TMEM74: variants seen among roughly 807,000 people sequenced by gnomAD.
TMEM74 encodes the protein transmembrane protein 74.
In TMEM74, 13 loss-of-function variants were observed where a neutral mutation model predicts 18.1. The ratio of observed to expected loss-of-function variants is 0.72; its 90% CI spans 0.47 to 1.14. The LOEUF is 1.14. Ranked by LOEUF, TMEM74 falls within the 50% of genes most tolerant of loss-of-function variation. The probability of loss-of-function intolerance (pLI) is 0.00; values close to 1 mark genes in which losing one functional copy is unlikely to be tolerated. For synonymous variants in TMEM74, 159 were observed against 146.6 expected, an observed-to-expected ratio of 1.08 and a Z score of -0.61; for missense variants, 372 against 375.9, an observed-to-expected ratio of 0.99 and a Z score of 0.09.
chr8:108,643,233 A>G (rs367615839), intron 2 of TMEM74, among the ~76,000 whole-genome samples: 14 of 152,276 alleles, frequency 9.2e-5, no homozygotes, highest in African/African-American at 3.1e-4. Flanking sequence ...GCTGTACCCA[A>G]CTGAAGAACT....
intron 1 of TMEM74, among the ~76,000 whole-genome samples, chr8:108,691,114 G>A (rs962591001): frequency 3.3e-5 from 5 of 152,266 alleles, no homozygotes; most frequent in East Asian, 1.9e-4. Context: ...GAATCTAAAC[G>A]GTTTCTTTTG....
At chr8:108,756,186 T>A (rs1021289310) in intron 1 of TMEM74, among the ~76,000 whole-genome samples, 9 of 152,024 alleles carry the variant, frequency 5.9e-5, no homozygotes, top group Admixed American at 3.3e-4. Flanking sequence ...AAGGCAGCAT[T>A]CCAGAAATAG....
chr8:108,698,420 A>G (rs981332561), intron 1 of TMEM74, among the ~76,000 whole-genome samples: 1 of 152,222 alleles, frequency 6.6e-6, no homozygotes, highest in Non-Finnish European at 1.5e-5. Context: ...TGAACTCTCT[A>G]GGAAACAGTT....
chr8:108,749,678 A>C (rs1307375797), intron 1 of TMEM74, among the ~76,000 whole-genome samples: 1 of 152,042 alleles, frequency 6.6e-6, no homozygotes, highest in Non-Finnish European at 1.5e-5. Context: ...CAGAACTTCC[A>C]ATACTGTGTT....
chr8:108,692,050 A>G (rs1283173014), intron 1 of TMEM74, among the ~76,000 whole-genome samples: 1 of 152,182 alleles, frequency 6.6e-6, no homozygotes, highest in Non-Finnish European at 1.5e-5. Flanking sequence ...GAGACCTTCC[A>G]TGTAGCTGTG....
chr8:108,727,642 T>A (rs1034078933), intron 1 of TMEM74, among the ~76,000 whole-genome samples: 3 of 152,182 alleles, frequency 2.0e-5, no homozygotes, highest in Non-Finnish European at 2.9e-5. Context: ...AGCAGTTTGA[T>A]ATGAGCCAGA....
Position 108,784,046 on chromosome 8 carries a change from A to G in TMEM74, c.*135T>C. 1 of 761,254 alleles carries G rather than the reference A, an allele frequency of 1.3e-6. No individual in the cohort carries two copies. The highest frequency in any genetic ancestry group is 2.1e-6 in the Non-Finnish European group (1 of 483,010). 47.2% of individuals were successfully genotyped at this position (761,254 alleles called of 1,614,324 possible). ...AAATAGAAGACACATAGAGAACAAA[A>G]ACACTTACTGGCTGTTGGTTTGTGA... On this transcript the variant is annotated 3_prime_UTR_variant, in exon 2 of 2. Transcript: ENST00000297459.
At chr8:108,693,613 C>T (rs1813251487) in intron 1 of TMEM74, among the ~76,000 whole-genome samples, 1 of 152,206 alleles carries the variant, frequency 6.6e-6, no homozygotes, top group African/African-American at 2.4e-5. Flanking sequence ...CATGTGCAAG[C>T]TAAGTGTTAC....
intron 1 of TMEM74, among the ~76,000 whole-genome samples, chr8:108,669,938 T>C (rs768716766): frequency 1.0e-4 from 15 of 148,496 alleles, no homozygotes; most frequent in Non-Finnish European, 1.6e-4. Context: ...TGGGGGAGGC[T>C]GAGGCAAGAG....
At chr8:108,701,728 A>G (rs1320069702) in intron 1 of TMEM74, among the ~76,000 whole-genome samples, 1 of 152,202 alleles carries the variant, frequency 6.6e-6, no homozygotes, top group Non-Finnish European at 1.5e-5. Flanking sequence ...CAAAACTCTG[A>G]TGCAAGAAAT....
At position 108,629,118 on chromosome 8, in the gene TMEM74, C is replaced by A. The variant is rs1812525167; in HGVS notation, n.265-20292G>T. On this transcript the variant is annotated intron_variant and non_coding_transcript_variant, in intron 2 of 3. Coordinates refer to the TMEM74 transcript ENST00000518838. ...CATTCTGATGTGCTAACTAGAATAA[C>A]CAGTTTAGAGGAGAACATAATTGAC... Among the ~76,000 whole-genome samples, 2 of 151,842 alleles carry A rather than the reference C, an allele frequency of 1.3e-5. 1 individual carries two copies. Among genetic ancestry groups the A allele is most frequent in the South Asian group, 4.2e-4 (2 of 4,808 alleles).
At chr8:108,652,030 C>T (rs1035760023) in intron 2 of TMEM74, among the ~76,000 whole-genome samples, 1 of 150,592 alleles carries the variant, frequency 6.6e-6, no homozygotes, top group Admixed American at 6.6e-5. Flanking sequence ...CAGTCTTCTT[C>T]ATATTTAGGT....
At chr8:108,770,719 A>G (rs1266327558) in intron 1 of TMEM74, among the ~76,000 whole-genome samples, 1 of 152,206 alleles carries the variant, frequency 6.6e-6, no homozygotes, top group African/African-American at 2.4e-5. Flanking sequence ...CAGTTGTAGA[A>G]AAAAATATTA....
chr8:108,612,177 C>A (rs1812340692), intron 2 of TMEM74, among the ~76,000 whole-genome samples: 2 of 151,878 alleles, frequency 1.3e-5, no homozygotes, highest in Non-Finnish European at 2.9e-5. Context: ...GGGACACAGC[C>A]AAACTATATC....
intron 1 of TMEM74, among the ~76,000 whole-genome samples, chr8:108,665,451 A>G (rs899602187): frequency 7.9e-5 from 12 of 152,134 alleles, no homozygotes; most frequent in African/African-American, 2.4e-4. Context: ...GCCTACAACA[A>G]GGAGAGCACA....
At chr8:108,668,017 A>C (rs1318636212) in intron 1 of TMEM74, among the ~76,000 whole-genome samples, 1 of 152,178 alleles carries the variant, frequency 6.6e-6, no homozygotes, top group Non-Finnish European at 1.5e-5. Context: ...CTGGTTCTAC[A>C]GCTCTTGTTT....
At chr8:108,769,913 AC>A (rs1390768604) in intron 1 of TMEM74, among the ~76,000 whole-genome samples, 1 of 149,214 alleles carries the variant, frequency 6.7e-6, no homozygotes, top group East Asian at 1.9e-4. Flanking sequence ...ATCTATTAAC[AC>A]TTTTTGGGGC....
At chr8:108,710,874 C>T (rs1000448942) in intron 1 of TMEM74, among the ~76,000 whole-genome samples, 2 of 152,190 alleles carry the variant, frequency 1.3e-5, no homozygotes, top group African/African-American at 4.8e-5. Context: ...ATACCTTTTA[C>T]AGACAATAGT....
intron 1 of TMEM74, among the ~76,000 whole-genome samples, chr8:108,681,380 G>C (rs1022401094): frequency 6.6e-6 from 1 of 152,108 alleles, no homozygotes; most frequent in Non-Finnish European, 1.5e-5. Context: ...ACAACCATCT[G>C]ATCTTTGACA....
Sources: gnomAD v4.1 joint callset for allele counts (sites outside exome capture counted in the v4.1 genomes callset) on GRCh38, gnomAD v4.1.1 for gene constraint, MANE v1.5 for transcripts, NCBI Gene and HGNC (gene_info 2026-07-23, HGNC 2026-07-21) for gene names.